MINDY3: variants seen among roughly 807,000 people sequenced by gnomAD.
MINDY3 encodes the protein MINDY lysine 48 deubiquitinase 3, also known as ubiquitin carboxyl-terminal hydrolase MINDY-3.
MINDY3 carries 38 observed loss-of-function variants against 69.2 expected under a neutral mutation model. The ratio of observed to expected loss-of-function variants is 0.55; its 90% CI spans 0.42 to 0.72. MINDY3 has a LOEUF of 0.72. MINDY3 is among the 30% of genes least tolerant of loss of function. The probability of loss-of-function intolerance (pLI) is 0.00; values close to 1 mark genes in which losing one functional copy is unlikely to be tolerated. For missense variants in MINDY3, 522 were observed against 519.0 expected (o/e 1.01, Z -0.06); for synonymous variants, 192 against 180.1 (o/e 1.07, Z -0.53).
chr10:15,819,109 A>G lies in MINDY3; in HGVS notation c.802-2194T>C, dbSNP rs562618172. On this transcript the variant is annotated intron_variant, in intron 9 of 14. Coordinates refer to ENST00000277632, the MANE Select transcript of MINDY3 (RefSeq NM_024948.4). The stretch of plus-strand genomic sequence containing the variant: ...GCAGGAGGGAGAAAGAGATTATTTC[A>G]TCACCTTAATTGTATTAATGCATGT... 6.6e-5 allele frequency among the ~76,000 whole-genome samples: 10 copies of G among 152,284 alleles called. No homozygotes were observed. In the South Asian group the frequency reaches 2.1e-3, roughly 32 times the overall value.
chr10:15,826,506 A>C (rs1588600659), intron 8 of MINDY3, among the ~76,000 whole-genome samples: 1 of 152,352 alleles, frequency 6.6e-6, no homozygotes, highest in Admixed American at 6.5e-5. Context: ...AATTTCCTCA[A>C]AATAACCTAC....
intron 1 of MINDY3, among the ~76,000 whole-genome samples, chr10:15,848,965 A>T (rs1292426704): frequency 6.6e-6 from 1 of 152,252 alleles, no homozygotes; most frequent in African/African-American, 2.4e-5. Flanking sequence ...GTTAATGAAC[A>T]TCTGATATTA....
At chr10:15,796,267 G>A in intron 10 of MINDY3, 95 bp from the exon 11 acceptor site, 1 of 928,722 alleles carries the variant, frequency 1.1e-6, no homozygotes, top group Non-Finnish European at 1.7e-6. Flanking sequence ...TGACATTGGA[G>A]TCAGAAGACT....
chr10:15,797,177 G>A (rs1044127116), intron 10 of MINDY3, among the ~76,000 whole-genome samples: 3 of 152,012 alleles, frequency 2.0e-5, no homozygotes, highest in African/African-American at 4.8e-5. Flanking sequence ...AGAATCAGAG[G>A]AGTTCTAACT....
chr10:15,850,861 T>C (rs1187473782), intron 1 of MINDY3, among the ~76,000 whole-genome samples: 1 of 152,154 alleles, frequency 6.6e-6, no homozygotes, highest in African/African-American at 2.4e-5. Flanking sequence ...ACATGTGATG[T>C]CTCCCCCCGA....
intron 9 of MINDY3, among the ~76,000 whole-genome samples, chr10:15,819,587 G>A (rs1839614849): frequency 6.6e-6 from 1 of 152,114 alleles, no homozygotes; most frequent in Admixed American, 6.6e-5. Flanking sequence ...AGGCAATCTA[G>A]CTGACCCCAT....
At chr10:15,838,152 T>A in intron 5 of MINDY3, 76 bp downstream of exon 5, 2 of 1,438,260 alleles carry the variant, frequency 1.4e-6, no homozygotes, top group Non-Finnish European at 1.8e-6. Flanking sequence ...ACTAAGAACC[T>A]TTCCACAGTA....
intron 1 of MINDY3, among the ~76,000 whole-genome samples, chr10:15,859,010 G>A (rs1834893267): frequency 1.3e-5 from 2 of 152,100 alleles, no homozygotes; most frequent in African/African-American, 4.8e-5. Flanking sequence ...GGTATATTAG[G>A]AATCGAGAGA....
rs181880850 is a variant in MINDY3, at chr10:15,844,351, G to C, written c.175-1079C>G. ...TCACAACATTTGAGAAGTGAGATGG[G>C]GATATTCATTATTTCACAGCCAATA... On this transcript the variant is annotated intron_variant, in intron 2 of 14. Coordinates refer to ENST00000277632, the MANE Select transcript of MINDY3 (RefSeq NM_024948.4). Among the ~76,000 whole-genome samples the C allele has an allele frequency of 1.5e-4, 23 of 152,050 alleles. No homozygotes were observed. The East Asian group carries it at 4.1e-3, about 27-fold the overall frequency.
chr10:15,828,164 T>G (rs913302237), intron 8 of MINDY3, among the ~76,000 whole-genome samples: 5 of 152,242 alleles, frequency 3.3e-5, no homozygotes, highest in African/African-American at 1.2e-4. Context: ...TTACTCATAA[T>G]GGCCAAGTGG....
rs146937166 is a variant in MINDY3 at position 15,814,219 on chromosome 10, G to A, written c.882+2616C>T. Among the ~76,000 whole-genome samples the A allele has an allele frequency of 2.5e-4, 38 of 151,950 alleles. No homozygotes were observed. In the East Asian group the frequency reaches 6.6e-3, roughly 26 times the overall value. ...ATTATTGTTCTTATTTACCATTTAG[G>A]TGAACTTCCAGCTTTGTTTTACTTT... On this transcript the variant is annotated intron_variant, in intron 10 of 14. Coordinates refer to ENST00000277632, the MANE Select transcript of MINDY3 (RefSeq NM_024948.4).
chr10:15,843,130 T>A, intron 3 of MINDY3, 82 bp downstream of exon 3: 7 of 1,146,192 alleles, frequency 6.1e-6, no homozygotes, highest in Non-Finnish European at 9.0e-6. Context: ...TTCCCACTGA[T>A]ACTTGACTTT....
intron 1 of MINDY3, among the ~76,000 whole-genome samples, chr10:15,851,009 T>C (rs1267500864): frequency 6.6e-6 from 1 of 152,194 alleles, no homozygotes; most frequent in African/African-American, 2.4e-5. Context: ...AAACTCATTC[T>C]CACCCAAGTT....
intron 6 of MINDY3, 21 bp from the exon 7 acceptor site, chr10:15,834,637 G>C (rs199833154): frequency 5.1e-6 from 8 of 1,562,220 alleles, no homozygotes; most frequent in Non-Finnish European, 5.3e-6. Flanking sequence ...AGAATTCATT[G>C]ACTTATTTTA....
chr10:15,791,426 T>C (rs1025518462), intron 11 of MINDY3, among the ~76,000 whole-genome samples: 1 of 151,844 alleles, frequency 6.6e-6, no homozygotes, highest in Non-Finnish European at 1.5e-5. Flanking sequence ...TCTCAGAGAA[T>C]ACCATTTGAT....
chr10:15,841,329 A>T, intron 4 of MINDY3, 97 bp downstream of exon 4: 1 of 944,522 alleles, frequency 1.1e-6, no homozygotes, highest in East Asian at 2.7e-5. Context: ...AATACATGTT[A>T]TGAAAATTTT....
At chr10:15,854,271 T>A (rs1223752770) in intron 1 of MINDY3, among the ~76,000 whole-genome samples, 1 of 152,138 alleles carries the variant, frequency 6.6e-6, no homozygotes, top group Non-Finnish European at 1.5e-5. Context: ...CTGAAAAGGC[T>A]ACTACCATAC....
intron 9 of MINDY3, among the ~76,000 whole-genome samples, chr10:15,819,089 A>T (rs1454352657): frequency 6.6e-6 from 1 of 152,150 alleles, no homozygotes; most frequent in African/African-American, 2.4e-5. Context: ...AGAGTGCAGG[A>T]GGGAGAAAGA....
At chr10:15,779,693 A>G (rs1445248690) in intron 14 of MINDY3, among the ~76,000 whole-genome samples, 2 of 152,182 alleles carry the variant, frequency 1.3e-5, no homozygotes, top group Non-Finnish European at 2.9e-5. Flanking sequence ...CTGAAATGCA[A>G]TTCATGAGTG....
Sources: gnomAD v4.1 joint callset for allele counts (sites outside exome capture counted in the v4.1 genomes callset) on GRCh38, gnomAD v4.1.1 for gene constraint, MANE v1.5 for transcripts, NCBI Gene and HGNC (gene_info 2026-07-23, HGNC 2026-07-21) for gene names.